Variants in ATP8B4 observed in about 807,000 individuals in gnomAD.
ATP8B4 encodes ATPase phospholipid transporting 8B4 (putative).
Under a neutral mutation model 145.6 loss-of-function variants are expected in ATP8B4, and 133 were observed. That is an observed-to-expected ratio of 0.91 (90% CI 0.79 to 1.05). The LOEUF (loss-of-function observed/expected upper bound fraction) is 1.05. Ranked by LOEUF, ATP8B4 falls within the 50% of genes least tolerant of loss-of-function variation. ATP8B4 has a pLI of 0.00. For missense variants in ATP8B4, 1,458 were observed against 1,425.2 expected, an observed-to-expected ratio of 1.02 and a Z score of -0.37; for synonymous variants, 507 against 492.9, an observed-to-expected ratio of 1.03 and a Z score of -0.38.
intron 14 of ATP8B4, among the ~76,000 whole-genome samples, chr15:49,943,366 G>A (rs2042313635): frequency 1.3e-5 from 2 of 150,762 alleles, no homozygotes; most frequent in Admixed American, 1.3e-4. Flanking sequence ...CCATTTTCAA[G>A]AAGCCCAAAG....
intron 3 of ATP8B4, among the ~76,000 whole-genome samples, chr15:50,068,336 T>G (rs551117467): frequency 6.6e-6 from 1 of 152,298 alleles, no homozygotes; most frequent in East Asian, 1.9e-4. Flanking sequence ...GAATGAACAC[T>G]TTGGAAAATC....
At chr15:50,100,471 A>C (rs890515722) in intron 2 of ATP8B4, among the ~76,000 whole-genome samples, 1 of 152,246 alleles carries the variant, frequency 6.6e-6, no homozygotes, top group Admixed American at 6.5e-5. Context: ...ATTTTATTGA[A>C]TTATAAAAAG....
At chr15:49,956,902 T>G (rs1054694172) in intron 14 of ATP8B4, among the ~76,000 whole-genome samples, 14 of 152,034 alleles carry the variant, frequency 9.2e-5, no homozygotes, top group African/African-American at 3.1e-4. Context: ...TTCAGCCAAA[T>G]AGAAAAATAA....
intron 2 of ATP8B4, among the ~76,000 whole-genome samples, chr15:50,102,161 A>T (rs543498358): frequency 1.9e-4 from 29 of 152,228 alleles, no homozygotes; most frequent in African/African-American, 6.3e-4. Context: ...CAAATAGACA[A>T]TCTAAGGTCA....
intron 14 of ATP8B4, among the ~76,000 whole-genome samples, chr15:49,948,145 G>A (rs1246576780): frequency 6.6e-6 from 1 of 152,022 alleles, no homozygotes; most frequent in East Asian, 1.9e-4. Flanking sequence ...AAATGTAAAA[G>A]TCTCTGCTCA....
At chr15:49,906,323 C>T (rs931513670) in intron 20 of ATP8B4, among the ~76,000 whole-genome samples, 9 of 152,188 alleles carry the variant, frequency 5.9e-5, no homozygotes, top group East Asian at 1.9e-4. Context: ...TGAAACATAT[C>T]GCTAGTTTGT....
intron 2 of ATP8B4, among the ~76,000 whole-genome samples, chr15:50,081,127 A>AG (rs1166816585): frequency 3.3e-5 from 5 of 151,398 alleles, no homozygotes; most frequent in African/African-American, 7.3e-5. Flanking sequence ...AAAAAAAAAA[A>AG]AAAGAGTCCT....
intron 5 of ATP8B4, among the ~76,000 whole-genome samples, chr15:50,039,583 A>G (rs959475251): frequency 1.3e-5 from 2 of 152,232 alleles, no homozygotes; most frequent in African/African-American, 4.8e-5. Context: ...AGTAATATAG[A>G]GAAAATGGTA....
At chr15:50,014,536 T>C (rs892877265) in intron 6 of ATP8B4, among the ~76,000 whole-genome samples, 1 of 152,224 alleles carries the variant, frequency 6.6e-6, no homozygotes, top group African/African-American at 2.4e-5. Context: ...TTCCAGGGAC[T>C]GTACTGATCC....
chr15:50,164,460 C>T (rs2044566649), intron 1 of ATP8B4, among the ~76,000 whole-genome samples: 1 of 152,130 alleles, frequency 6.6e-6, no homozygotes, highest in Non-Finnish European at 1.5e-5. Flanking sequence ...GACCTCAGGT[C>T]CCTGCCTGTG....
At chr15:49,891,414 C>T (rs1306215457) in intron 23 of ATP8B4, among the ~76,000 whole-genome samples, 2 of 152,054 alleles carry the variant, frequency 1.3e-5, no homozygotes, top group Non-Finnish European at 2.9e-5. Context: ...CAACCTCCAC[C>T]TCCCAGGTTC....
rs112056467 is a variant in ATP8B4, at chr15:50,143,946, A to G, written c.-42-36938T>C. On this transcript the variant is annotated intron_variant, in intron 1 of 3. Transcript: ENST00000558829. ...ACCTGTAGATAAATGGGAGCCACAC[A>G]TGCTATCTCAGTGAAAGGATGACAT... 4.0e-3 allele frequency among the ~76,000 whole-genome samples: 617 copies of G among 152,360 alleles called. 7 individuals are homozygous for G. The highest frequency in any genetic ancestry group is 0.014 in the African/African-American group (577 of 41,586).
intron 14 of ATP8B4, among the ~76,000 whole-genome samples, chr15:49,955,558 A>G (rs2043486775): frequency 6.6e-6 from 1 of 152,226 alleles, no homozygotes; most frequent in Non-Finnish European, 1.5e-5. Context: ...GGATCTTGAA[A>G]AGATATTTGC....
intron 3 of ATP8B4, among the ~76,000 whole-genome samples, chr15:50,059,513 G>A (rs952035704): frequency 6.6e-6 from 1 of 152,084 alleles, no homozygotes. Context: ...CCTTTCCCCT[G>A]TTCCTTGAAT....
chr15:50,165,727 C>T lies in ATP8B4; in HGVS notation c.-43+16534G>A, dbSNP rs145520269. 3.4e-3 allele frequency among the ~76,000 whole-genome samples: 520 copies of T among 151,956 alleles called. 3 individuals are homozygous for T. The highest frequency in any genetic ancestry group is 0.012 in the African/African-American group (502 of 41,418). ...TAGTTATCAAAGCTGAGGTGGAAAT[C>T]TCAGTCAATTGAATGTAGGTTTAAA... On this transcript the variant is annotated intron_variant, in intron 1 of 3. Coordinates refer to the ATP8B4 transcript ENST00000558829.
intron 2 of ATP8B4, among the ~76,000 whole-genome samples, chr15:50,085,705 G>T (rs2054859921): frequency 6.6e-6 from 1 of 150,384 alleles, no homozygotes; most frequent in South Asian, 2.1e-4. Flanking sequence ...ACAACTCCTA[G>T]TCAAAACAAT....
intron 1 of ATP8B4, among the ~76,000 whole-genome samples, chr15:50,160,536 T>C (rs2044502761): frequency 6.6e-6 from 1 of 151,956 alleles, no homozygotes; most frequent in Non-Finnish European, 1.5e-5. Context: ...TGCTTCTCGG[T>C]GCTGCTTTCA....
At chr15:50,035,439 AC>A (rs2050759998) in intron 6 of ATP8B4, among the ~76,000 whole-genome samples, 1 of 152,226 alleles carries the variant, frequency 6.6e-6, no homozygotes, top group Non-Finnish European at 1.5e-5. Flanking sequence ...CAAAGTCCAC[AC>A]TTGACACATT....
At chr15:50,121,581 C>T (rs554086486), upstream of ATP8B4, among the ~76,000 whole-genome samples, 47 of 152,060 alleles carry the variant, frequency 3.1e-4, no homozygotes, top group South Asian at 5.0e-3. Context: ...GAAGGATGTC[C>T]ATCTTATAGA....
Sources: gnomAD v4.1 joint callset for allele counts (sites outside exome capture counted in the v4.1 genomes callset) on GRCh38, gnomAD v4.1.1 for gene constraint, MANE v1.5 for transcripts, NCBI Gene and HGNC (gene_info 2026-07-23, HGNC 2026-07-21) for gene names.